The following STAG1 variants were observed in gnomAD, a reference collection of about 807,000 sequenced individuals.
The protein encoded by STAG1 is STAG1 cohesin complex component, also known as cohesin subunit SA-1.
In STAG1, 26 loss-of-function variants were observed where a neutral mutation model predicts 170.9. The ratio of observed to expected loss-of-function variants is 0.15; its 90% CI spans 0.11 to 0.21. The LOEUF (loss-of-function observed/expected upper bound fraction) is 0.21, where lower values mean the gene tolerates loss of function less well. Among genes scored for constraint, STAG1 ranks in the 10% least tolerant of loss-of-function variants. The pLI, the probability that STAG1 is intolerant of heterozygous loss-of-function variation, is 1.00. For synonymous variants in STAG1, 514 were observed against 497.7 expected (o/e 1.03, Z -0.44); for missense variants, 964 against 1,509.5 (o/e 0.64, Z 5.99).
chr3:136,541,232 C>G (rs1935886430), intron 6 of STAG1, among the ~76,000 whole-genome samples: 1 of 151,918 alleles, frequency 6.6e-6, no homozygotes, highest in Non-Finnish European at 1.5e-5. Context: ...TATTTTAGTG[C>G]TGAAAGTCAA....
chr3:136,351,751 G>C (rs1457311169), intron 28 of STAG1, among the ~76,000 whole-genome samples: 5 of 152,170 alleles, frequency 3.3e-5, no homozygotes, highest in Non-Finnish European at 7.3e-5. Context: ...AATAATCAGA[G>C]AGGTATCTTC....
rs778204800 is a variant in STAG1 at position 136,394,938 on chromosome 3, C to CAA, written c.2277+3809_2277+3810dup. Among the ~76,000 whole-genome samples, 290 of 58,708 alleles carry CAA rather than the reference C, an allele frequency of 4.9e-3. 2 individuals carry two copies. The East Asian group carries it at 0.071, about 14-fold the overall frequency. 38.5% of individuals were successfully genotyped at this position (58,708 alleles called of 152,430 possible). ...ACTGCACTCTAGCGAGACTCTGTCT[C>CAA]AAAAAAAAAAAAAAAAAAAAAAATG... On this transcript the variant is annotated intron_variant, in intron 22 of 33. Transcript: ENST00000383202.
rs71157375 is a variant in STAG1 at position 136,370,048 on chromosome 3, TTACTATACTATACTATACTATACTA to T, written c.2371-791_2371-767del. ...ATGACTATGTTACTGGCGTATGTAT[TTACTATACTATACTATACTATACTA>T]TACTATACTATACTATACTATACTA... On this transcript the variant is annotated intron_variant, in intron 23 of 33. Coordinates refer to ENST00000383202, the MANE Select transcript of STAG1 (RefSeq NM_005862.3). 5.7e-3 allele frequency among the ~76,000 whole-genome samples: 863 copies of T among 150,226 alleles called. 11 individuals are homozygous for T. The highest frequency in any genetic ancestry group is 0.015 in the African/African-American group (626 of 40,934).
intron 4 of STAG1, among the ~76,000 whole-genome samples, chr3:136,589,144 G>A (rs930258813): frequency 3.3e-5 from 5 of 152,004 alleles, no homozygotes; most frequent in African/African-American, 7.2e-5. Context: ...GCCTGTCTTG[G>A]CCTCCCTAAG....
chr3:136,747,093 TAAAAAAAAA>T lies in STAG1; in HGVS notation c.-84+5093_-84+5101del, dbSNP rs71134408. Among the ~76,000 whole-genome samples, 538 of 59,302 alleles carry T rather than the reference TAAAAAAAAA, an allele frequency of 9.1e-3. 7 individuals carry two copies. Among genetic ancestry groups the T allele is most frequent in the Admixed American group, 0.017 (73 of 4,374 alleles). 38.9% of individuals were successfully genotyped at this position (59,302 alleles called of 152,430 possible). A position where few individuals can be genotyped will look rare whatever the true frequency, so the allele number is the denominator to read the frequency against. On this transcript the variant is annotated intron_variant, in intron 1 of 33. Coordinates refer to ENST00000383202, the MANE Select transcript of STAG1 (RefSeq NM_005862.3). ...CCTGGGCAACAAGAGTGAAACTGTC[TAAAAAAAAA>T]AAAAAAAAAAAAAAAAAAAAATTAG...
chr3:136,428,864 A>G (rs148216237), intron 16 of STAG1, among the ~76,000 whole-genome samples: 32 of 152,282 alleles, frequency 2.1e-4, no homozygotes, highest in Non-Finnish European at 4.1e-4. Context: ...GCCAGGAATG[A>G]GGGCTCACGT....
intron 1 of STAG1, among the ~76,000 whole-genome samples, chr3:136,654,191 GAAGT>G (rs1312293905): frequency 6.6e-6 from 1 of 152,092 alleles, no homozygotes; most frequent in Non-Finnish European, 1.5e-5. Flanking sequence ...TGAAATGAAA[GAAGT>G]AAAATTGTTT....
In STAG1 at chr3:136,579,958, ATTTTTTTTTTTTTTTTT is replaced by A. The variant is rs749325884; in HGVS notation, c.298-11114_298-11098del. Reference sequence around the variant, plus strand: ...CTATTTTGGTCACAATACCATCTGAATTTTTTTTTTTTTTTTTTTTTTTTTTTTGAGACGGAGTCTCA... The same window carrying A: ...CTATTTTGGTCACAATACCATCTGAATTTTTTTTTTTGAGACGGAGTCTCA... On this transcript the variant is annotated intron_variant, in intron 4 of 33. Transcript: ENST00000383202. 5.4e-5 allele frequency among the ~76,000 whole-genome samples: 4 copies of A among 73,626 alleles called. No individual in the cohort carries two copies. The South Asian group carries it at 1.6e-3, about 30-fold the overall frequency. 48.3% of individuals were successfully genotyped at this position (73,626 alleles called of 152,430 possible). A position where few individuals can be genotyped will look rare whatever the true frequency, so the allele number is the denominator to read the frequency against.
chr3:136,355,351 TAAAAAAAAAAA>T lies in STAG1; in HGVS notation c.3065+2358_3065+2368del, dbSNP rs370605205. ...TGGGTATCAGAGTGAGACTCCATCTTAAAAAAAAAAAAAAAAAAAAAAAAAAAAGTATATAC... is the reference window on the plus strand; with the variant it reads ...TGGGTATCAGAGTGAGACTCCATCTTAAAAAAAAAAAAAAAAAGTATATAC... On this transcript the variant is annotated intron_variant, in intron 28 of 33. Coordinates refer to ENST00000383202, the MANE Select transcript of STAG1 (RefSeq NM_005862.3). Among the ~76,000 whole-genome samples the T allele has an allele frequency of 3.2e-3, 95 of 30,006 alleles. 1 individual carries two copies. The highest frequency in any genetic ancestry group is 9.0e-3 in the Admixed American group (16 of 1,776). 19.7% of individuals were successfully genotyped at this position (30,006 alleles called of 152,430 possible).
At chr3:136,400,135 C>T (rs1452400078) in intron 21 of STAG1, among the ~76,000 whole-genome samples, 1 of 152,096 alleles carries the variant, frequency 6.6e-6, no homozygotes, top group East Asian at 1.9e-4. Context: ...GATGCGCAGG[C>T]TGGTCTCAAA....
At chr3:136,556,596 T>C (rs1177445729) in intron 5 of STAG1, among the ~76,000 whole-genome samples, 1 of 152,132 alleles carries the variant, frequency 6.6e-6, no homozygotes, top group Non-Finnish European at 1.5e-5. Context: ...TTTGTTTGTT[T>C]TTTTGAGACA....
intron 4 of STAG1, among the ~76,000 whole-genome samples, chr3:136,587,332 G>A (rs533815972): frequency 1.1e-4 from 16 of 152,198 alleles, no homozygotes; most frequent in Non-Finnish European, 1.9e-4. Flanking sequence ...TTGAGGTCAG[G>A]AGTATGAGAC....
intron 5 of STAG1, among the ~76,000 whole-genome samples, chr3:136,565,728 G>A (rs181709381): frequency 3.9e-5 from 6 of 152,262 alleles, no homozygotes; most frequent in East Asian, 3.9e-4. Flanking sequence ...ATTTGTTCAC[G>A]AATGTTCAAA....
chr3:136,357,109 G>A (rs1046425935), intron 28 of STAG1, among the ~76,000 whole-genome samples: 7 of 151,906 alleles, frequency 4.6e-5, no homozygotes, highest in African/African-American at 1.7e-4. Flanking sequence ...CACCACGCCC[G>A]GCTAATTTTT....
At chr3:136,669,407 G>A (rs76291195) in intron 1 of STAG1, among the ~76,000 whole-genome samples, 30 of 152,182 alleles carry the variant, frequency 2.0e-4, no homozygotes, top group African/African-American at 6.7e-4. Context: ...AGGCTAGACC[G>A]TGGTGGTGCA....
intron 13 of STAG1, among the ~76,000 whole-genome samples, chr3:136,461,470 A>C (rs1404997259): frequency 6.6e-6 from 1 of 152,206 alleles, no homozygotes; most frequent in African/African-American, 2.4e-5. Flanking sequence ...AATTCTGAAA[A>C]GTAGCAGAAT....
chr3:136,683,139 A>C (rs773749578), intron 1 of STAG1, among the ~76,000 whole-genome samples: 3 of 152,232 alleles, frequency 2.0e-5, no homozygotes, highest in Non-Finnish European at 4.4e-5. Flanking sequence ...TTAACAGGTG[A>C]CAACGTTTCA....
intron 6 of STAG1, among the ~76,000 whole-genome samples, chr3:136,535,474 C>T (rs996423969): frequency 3.3e-5 from 5 of 152,114 alleles, no homozygotes; most frequent in Admixed American, 6.5e-5. Context: ...ACCAGCCTGG[C>T]CAACATGGCG....
intron 10 of STAG1, among the ~76,000 whole-genome samples, chr3:136,475,138 CTTTTTTTTTT>C (rs10686674): frequency 1.3e-4 from 10 of 76,004 alleles, no homozygotes; most frequent in African/African-American, 5.5e-4. Context: ...TTATAGGTTC[CTTTTTTTTTT>C]TTTTTTTTTT....
Sources: gnomAD v4.1 joint callset for allele counts (sites outside exome capture counted in the v4.1 genomes callset) on GRCh38, gnomAD v4.1.1 for gene constraint, MANE v1.5 for transcripts, NCBI Gene and HGNC (gene_info 2026-07-23, HGNC 2026-07-21) for gene names.